The following TRABD2B variants were observed in gnomAD, a reference collection of about 807,000 sequenced individuals.
TRABD2B encodes metalloprotease TIKI2.
In TRABD2B, 14 loss-of-function variants were observed where a neutral mutation model predicts 40.1. That is an observed-to-expected ratio of 0.35 (90% CI 0.23 to 0.55). TRABD2B has a LOEUF of 0.55. Among genes scored for constraint, TRABD2B ranks in the 20% least tolerant of loss-of-function variants. TRABD2B has a pLI of 0.90. For synonymous variants in TRABD2B, 263 were observed against 277.0 expected (o/e 0.95, Z 0.50); for missense variants, 541 against 648.6 (o/e 0.83, Z 1.80).
intron 5 of TRABD2B, among the ~76,000 whole-genome samples, chr1:47,776,542 T>TATACAGGGGC (rs1305745908): frequency 1.3e-5 from 2 of 152,236 alleles, no homozygotes; most frequent in Non-Finnish European, 2.9e-5. Flanking sequence ...ATTCATGTTT[T>TATACAGGGGC]ATACAGGGGC....
chr1:47,994,329 T>TGGC lies in TRABD2B; in HGVS notation c.368_370dup (p.Arg123dup). The stretch of plus-strand genomic sequence containing the variant: ...CATCATCAACTTCACGTAGTCCAGG[T>TGGC]GGCGCTTCAAGCGCCAGTAAAGCTC... On this transcript the variant is annotated inframe_insertion, in exon 2 of 7. Transcript: ENST00000606738. This position sits in a 1 kb window ranked among gnomAD's most constrained non-coding sequence, Gnocchi z 6.7. 6.5e-7 allele frequency: 1 copy of TGGC among 1,536,260 alleles called. No homozygotes were observed. The highest frequency in any genetic ancestry group is 8.7e-7 in the Non-Finnish European group (1 of 1,146,942).
intron 2 of TRABD2B, among the ~76,000 whole-genome samples, chr1:47,897,616 C>T (rs1644541811): frequency 1.3e-5 from 2 of 152,222 alleles, no homozygotes; most frequent in Non-Finnish European, 2.9e-5. Flanking sequence ...ATCTCAGATC[C>T]TGTATTCATC....
chr1:47,950,469 T>C (rs1437295577), intron 2 of TRABD2B, among the ~76,000 whole-genome samples: 1 of 151,878 alleles, frequency 6.6e-6, no homozygotes, highest in Non-Finnish European at 1.5e-5. Context: ...AGAAATGAGT[T>C]TGATGAGCTG....
At chr1:47,907,006 G>A (rs1363338352) in intron 2 of TRABD2B, among the ~76,000 whole-genome samples, 1 of 152,166 alleles carries the variant, frequency 6.6e-6, no homozygotes, top group African/African-American at 2.4e-5. Context: ...AGGCTTGGCG[G>A]TCTCCTGCCT....
At chr1:47,768,705 G>A (rs1236828346) in intron 6 of TRABD2B, among the ~76,000 whole-genome samples, 1 of 152,176 alleles carries the variant, frequency 6.6e-6, no homozygotes, top group African/African-American at 2.4e-5. Context: ...AACAGTGCCT[G>A]GCACACAAGA....
chr1:47,941,768 C>A (rs1319441806), intron 2 of TRABD2B, among the ~76,000 whole-genome samples: 1 of 152,220 alleles, frequency 6.6e-6, no homozygotes, highest in South Asian at 2.1e-4. Flanking sequence ...GGGTTTGAGT[C>A]CCTTCTCTGC....
intron 2 of TRABD2B, among the ~76,000 whole-genome samples, chr1:47,897,278 C>T (rs985964336): frequency 1.3e-5 from 2 of 152,046 alleles, no homozygotes; most frequent in East Asian, 1.9e-4. Context: ...AGGAAGACAA[C>T]GTGGCTGGAG....
chr1:47,824,535 T>TGA (rs1645150672), intron 2 of TRABD2B, among the ~76,000 whole-genome samples: 2 of 152,198 alleles, frequency 1.3e-5, no homozygotes, highest in Non-Finnish European at 2.9e-5. Flanking sequence ...ACAGTTCACC[T>TGA]GGTAGGCAGA....
At chr1:47,798,538 T>A (rs1370265301) in intron 3 of TRABD2B, among the ~76,000 whole-genome samples, 5 of 152,166 alleles carry the variant, frequency 3.3e-5, no homozygotes, top group Admixed American at 2.6e-4. Flanking sequence ...AGGCCAAGGA[T>A]GAGGTGCCCC....
intron 2 of TRABD2B, among the ~76,000 whole-genome samples, chr1:47,966,152 G>A: frequency 6.6e-6 from 1 of 152,152 alleles, no homozygotes; most frequent in East Asian, 1.9e-4. Context: ...GCAGGGAGGT[G>A]GCAGGGCTGT....
At chr1:47,772,346 G>T (rs907194383) in intron 6 of TRABD2B, among the ~76,000 whole-genome samples, 1 of 151,876 alleles carries the variant, frequency 6.6e-6, no homozygotes, top group African/African-American at 2.4e-5. Context: ...CAGGACGAAG[G>T]TGTGGAGGTG....
intron 2 of TRABD2B, among the ~76,000 whole-genome samples, chr1:47,861,160 G>T (rs1643962221): frequency 6.6e-6 from 1 of 151,938 alleles, no homozygotes; most frequent in Non-Finnish European, 1.5e-5. Flanking sequence ...TCCCTTTTAG[G>T]TTTAAATTAT....
intron 2 of TRABD2B, among the ~76,000 whole-genome samples, chr1:47,884,028 C>T (rs112698727): frequency 2.0e-5 from 3 of 152,236 alleles, no homozygotes; most frequent in African/African-American, 7.2e-5. Context: ...TGGCCAGGTA[C>T]ATGGAAATAA....
intron 2 of TRABD2B, among the ~76,000 whole-genome samples, chr1:47,901,271 G>A (rs1456398840): frequency 6.6e-6 from 1 of 152,294 alleles, no homozygotes; most frequent in South Asian, 2.1e-4. Flanking sequence ...CTGCCTGGAG[G>A]CCAGCCCAAG....
At chr1:47,967,366 CA>C (rs1284161259) in intron 2 of TRABD2B, among the ~76,000 whole-genome samples, 5 of 148,912 alleles carry the variant, frequency 3.4e-5, no homozygotes. Flanking sequence ...CACACACACA[CA>C]CACACAGCAA....
rs189018687 is a variant in TRABD2B at position 47,817,378 on chromosome 1, G to A, written c.667-15759C>T. Among the ~76,000 whole-genome samples, 468 of 152,122 alleles carry A rather than the reference G, an allele frequency of 3.1e-3. 2 individuals are homozygous for A. The highest frequency in any genetic ancestry group is 4.4e-3 in the Admixed American group (68 of 15,288). ...GCCAGGGCAAAAGCAACAGAACCTC[G>A]GGATTGGGGGCCCTGAAACGGTGCG... On this transcript the variant is annotated intron_variant, in intron 2 of 6. Transcript: ENST00000606738.
rs114955012 is a variant in TRABD2B, at chr1:47,924,112, C to G, written c.666+69922G>C. On this transcript the variant is annotated intron_variant, in intron 2 of 6. Coordinates refer to ENST00000606738, the MANE Select transcript of TRABD2B (RefSeq NM_001194986.2). ...GAGCCTTGGGTCTGCATCTAGGATT[C>G]AAGGGGAAGTTTTCACTCTGCCACG... is the stretch of plus-strand genomic sequence containing the variant. Among the ~76,000 whole-genome samples, 1,261 of 152,156 alleles carry G rather than the reference C, an allele frequency of 8.3e-3. 13 individuals carry two copies. Among genetic ancestry groups the G allele is most frequent in the Middle Eastern group, 0.034 (10 of 294 alleles).
chr1:47,957,216 A>G (rs1172438994), intron 2 of TRABD2B, among the ~76,000 whole-genome samples: 2 of 152,248 alleles, frequency 1.3e-5, no homozygotes, highest in Non-Finnish European at 2.9e-5. Flanking sequence ...TGTCACCATC[A>G]TCAGAGACCA....
intron 2 of TRABD2B, among the ~76,000 whole-genome samples, chr1:47,971,843 GA>G (rs1645686700): frequency 6.6e-6 from 1 of 152,000 alleles, no homozygotes; most frequent in African/African-American, 2.4e-5. Flanking sequence ...CACCCCAGAT[GA>G]AACCTCCCTA....
Sources: allele counts gnomAD v4.1 joint callset (sites outside exome capture counted in the v4.1 genomes callset), GRCh38; gene constraint gnomAD v4.1.1; non-coding constraint Gnocchi (gnomAD v3.1); transcripts MANE v1.5; gene names NCBI Gene and HGNC (gene_info 2026-07-23, HGNC 2026-07-21).